PFKFB4: variants seen among roughly 807,000 people sequenced by gnomAD.
The protein encoded by PFKFB4 is 6-phosphofructo-2-kinase/fructose-2,6-bisphosphatase 4.
A neutral mutation model predicts 62.8 loss-of-function variants in PFKFB4; 42 were observed. That is an observed-to-expected ratio of 0.67 (90% CI 0.52 to 0.86). The LOEUF (loss-of-function observed/expected upper bound fraction) is 0.86. Ranked by LOEUF, PFKFB4 falls within the 40% of genes least tolerant of loss-of-function variation. PFKFB4 has a pLI of 0.00. For missense variants in PFKFB4, 475 were observed against 627.2 expected (o/e 0.76, Z 2.59); for synonymous variants, 204 against 240.7 (o/e 0.85, Z 1.41).
Position 48,543,633 on chromosome 3 carries a change from C to T in PFKFB4, c.325G>A (p.Ala109Thr), listed in dbSNP as rs1328721965. 3 of 1,611,564 alleles carry T rather than the reference C, an allele frequency of 1.9e-6. No individual in the cohort carries two copies. Among genetic ancestry groups the T allele is most frequent in the South Asian group, 2.2e-5 (2 of 90,166 alleles). Residue 109 changes from alanine (A) to threonine (T), a missense_variant, in exon 4 of 14, where the codon GCA (alanine) becomes ACA (threonine). Physicochemically the swap from Ala to Thr is moderately conservative, Grantham distance 58. Transcript: ENST00000232375. ...GLKIRKQCALAALRDVRRFLS... is the reference protein window; with the variant it reads ...GLKIRKQCALTALRDVRRFLS... The stretch of plus-strand genomic sequence containing the variant: ...AACCGCCGGACGTCACGGAGGGCTG[C>T]CAGGGCACACTGCCTTCAGGAGAGA...
chr3:48,544,385 C>G (rs1394082016), intron 3 of PFKFB4, among the ~76,000 whole-genome samples: 3 of 151,800 alleles, frequency 2.0e-5, no homozygotes, highest in Non-Finnish European at 4.4e-5. Context: ...TATCCATACC[C>G]TCCAGAATGG....
chr3:48,560,337 G>A (rs1005580088), upstream of PFKFB4, among the ~76,000 whole-genome samples: 1 of 152,182 alleles, frequency 6.6e-6, no homozygotes, highest in African/African-American at 2.4e-5. Flanking sequence ...GGAGGTTCAG[G>A]AGTTTCCAGG....
intron 12 of PFKFB4, 142 bp downstream of exon 12, chr3:48,523,395 G>T (rs768108398): frequency 1.2e-6 from 1 of 806,054 alleles, no homozygotes; most frequent in Non-Finnish European, 2.0e-6. Context: ...AAGAAAAAAA[G>T]CAAATTGGGA....
At chr3:48,525,440 G>A in intron 10 of PFKFB4, 125 bp downstream of exon 10, 1 of 541,366 alleles carries the variant, frequency 1.8e-6, no homozygotes, top group Non-Finnish European at 3.3e-6. Context: ...AGGCTGGCAG[G>A]CCTCTGAGAC....
rs1404745132 is a variant in PFKFB4 at position 48,536,637 on chromosome 3, C to T, written c.633-174G>A. 39 of 596,820 alleles carry T rather than the reference C, an allele frequency of 6.5e-5. No individual in the cohort carries two copies. In the East Asian group the frequency reaches 7.2e-4, roughly 11 times the overall value. The allele number at this position is 596,820 out of a possible 1,614,324, so 37.0% of individuals were successfully genotyped here. ...TGATGGGGGTGAGGCGGGAGCAACA[C>T]AGTGCGTGTGACGCACAGGCAAACC... is the stretch of plus-strand genomic sequence containing the variant. On this transcript the variant is annotated intron_variant, in intron 7 of 13. Transcript: ENST00000232375.
intron 9 of PFKFB4, among the ~76,000 whole-genome samples, chr3:48,532,122 C>CA (rs1482227568): frequency 6.6e-6 from 1 of 152,142 alleles, no homozygotes; most frequent in Non-Finnish European, 1.5e-5. Flanking sequence ...GTCTGGCCAA[C>CA]ATGGTGAAAC....
chr3:48,523,440 CTAACACAATTT>C lies in PFKFB4; in HGVS notation c.1285+86_1285+96del. Reference sequence around the variant, plus strand: ...GGGTAGTAGGTGGAGGAATGGGCTCCTAACACAATTTTCAAGGAATTCGGAGAAAATCATGG... The same window carrying C: ...GGGTAGTAGGTGGAGGAATGGGCTCCTCAAGGAATTCGGAGAAAATCATGG... On this transcript the variant is annotated intron_variant, in intron 12 of 13. Coordinates refer to ENST00000232375, the MANE Select transcript of PFKFB4 (RefSeq NM_004567.4). The C allele has an allele frequency of 6.5e-6, 8 of 1,238,660 alleles. No individual in the cohort carries two copies. The South Asian group carries it at 9.8e-5, about 15-fold the overall frequency. The allele number at this position is 1,238,660 out of a possible 1,614,324, so 76.7% of individuals were successfully genotyped here. A position where few individuals can be genotyped will look rare whatever the true frequency, so the allele number is the denominator to read the frequency against.
At chr3:48,535,966 GC>G (rs2042590819) in intron 8 of PFKFB4, among the ~76,000 whole-genome samples, 1 of 152,232 alleles carries the variant, frequency 6.6e-6, no homozygotes, top group Non-Finnish European at 1.5e-5. Context: ...CTGTGGCACA[GC>G]TATCTGCTAC....
chr3:48,562,994 G>C (rs1316930980), upstream of PFKFB4: 4 of 1,609,022 alleles, frequency 2.5e-6, no homozygotes, highest in Non-Finnish European at 3.4e-6. This position sits in a 1 kb window ranked among gnomAD's most constrained non-coding sequence, Gnocchi z 4.3. Context: ...GCTCTCTGAG[G>C]CCGCAGGTCG....
intron 9 of PFKFB4, among the ~76,000 whole-genome samples, chr3:48,529,940 C>A (rs1486765019): frequency 6.6e-6 from 1 of 151,686 alleles, no homozygotes; most frequent in African/African-American, 2.4e-5. Flanking sequence ...GGTGACAGAG[C>A]CAGACCCTGT....
intron 10 of PFKFB4, among the ~76,000 whole-genome samples, chr3:48,524,278 A>G (rs1257818618): frequency 1.3e-5 from 2 of 152,188 alleles, no homozygotes; most frequent in African/African-American, 4.8e-5. Context: ...CCCAGGAACT[A>G]TCCTCAGTCT....
chr3:48,544,428 A>T (rs2042898457), intron 3 of PFKFB4, among the ~76,000 whole-genome samples: 2 of 147,544 alleles, frequency 1.4e-5, no homozygotes, highest in South Asian at 4.3e-4. Context: ...CACTGACTAT[A>T]CAGTTTTCAG....
intron 9 of PFKFB4, among the ~76,000 whole-genome samples, chr3:48,532,789 T>G (rs114605653): frequency 0.014 from 2,198 of 152,280 alleles, 63 homozygotes; most frequent in African/African-American, 0.049. Flanking sequence ...GAGGCTGCAG[T>G]GATTTCCACA....
At chr3:48,557,739 G>T (rs544118125), upstream of PFKFB4, among the ~76,000 whole-genome samples, 3 of 152,062 alleles carry the variant, frequency 2.0e-5, no homozygotes, top group South Asian at 2.1e-4. Context: ...ATTTCACCAC[G>T]TTGGCCGGGC....
At chr3:48,552,711 A>G (rs979716040) in intron 1 of PFKFB4, among the ~76,000 whole-genome samples, 2 of 152,188 alleles carry the variant, frequency 1.3e-5, no homozygotes, top group African/African-American at 4.8e-5. Context: ...CCACCCCCCA[A>G]CTGCTCCTTC....
At chr3:48,535,741 C>A in intron 8 of PFKFB4, 83 bp from the exon 9 acceptor site, 2 of 1,524,336 alleles carry the variant, frequency 1.3e-6, no homozygotes, top group South Asian at 2.3e-5. Context: ...TCCATGAGAT[C>A]ACCCTCGCCT....
intron 9 of PFKFB4, among the ~76,000 whole-genome samples, chr3:48,526,866 G>A (rs56841797): frequency 0.037 from 5,554 of 151,292 alleles, 320 homozygotes; most frequent in African/African-American, 0.12. Context: ...TCTTGAACCC[G>A]GGAGGCAGAG....
At chr3:48,536,528 GC>G (rs2042623572) in intron 7 of PFKFB4, 65 bp from the exon 8 acceptor site, 3 of 1,294,738 alleles carry the variant, frequency 2.3e-6, no homozygotes, top group Middle Eastern at 2.2e-4. Flanking sequence ...AGCACATCTG[GC>G]TAGCCACGGA....
chr3:48,560,959 C>A (rs182614309), upstream of PFKFB4: 50 of 487,958 alleles, frequency 1.0e-4, 1 homozygote, highest in East Asian at 5.8e-3. Flanking sequence ...CCAGGAGAGA[C>A]CCCCCAACAC....
Sources: allele counts gnomAD v4.1 joint callset (sites outside exome capture counted in the v4.1 genomes callset), GRCh38; gene constraint gnomAD v4.1.1; non-coding constraint Gnocchi (gnomAD v3.1); transcripts MANE v1.5; gene names NCBI Gene and HGNC (gene_info 2026-07-23, HGNC 2026-07-21).